The following SLC26A11 variants were observed in gnomAD, a reference collection of about 807,000 sequenced individuals.
The protein encoded by SLC26A11 is solute carrier family 26 member 11.
Under a neutral mutation model 62.2 loss-of-function variants are expected in SLC26A11, and 58 were observed. That is an observed-to-expected ratio of 0.93 (90% CI 0.76 to 1.16). The LOEUF is 1.16. Ranked by LOEUF, SLC26A11 falls within the 50% of genes most tolerant of loss-of-function variation. The pLI, the probability that SLC26A11 is intolerant of heterozygous loss-of-function variation, is 0.00. For missense variants in SLC26A11, 790 were observed against 794.3 expected (o/e 0.99, Z 0.06); for synonymous variants, 411 against 368.9 (o/e 1.11, Z -1.31).
intron 5 of SLC26A11, 128 bp from the exon 6 acceptor site, chr17:80,225,709 G>A (rs1381198349): frequency 1.2e-5 from 10 of 807,140 alleles, no homozygotes; most frequent in Admixed American, 2.2e-5. Context: ...GATGGGCCCC[G>A]GGAATAAGGG....
rs139484779 is a variant in SLC26A11 at position 80,225,766 on chromosome 17, G to A, written c.514-71G>A. ...ACTGTCTCAGCCCTAGGGGAGGTGG[G>A]CGGGGAGCTGGGGACAGATGGCCTT... On this transcript the variant is annotated intron_variant, in intron 5 of 17. Transcript: ENST00000361193. 1,140 of 1,344,956 alleles carry A rather than the reference G, an allele frequency of 8.5e-4. 9 individuals are homozygous for A. In the African/African-American group the frequency reaches 0.015, roughly 17 times the overall value. 83.3% of individuals were successfully genotyped at this position (1,344,956 alleles called of 1,614,324 possible). A position where few individuals can be genotyped will look rare whatever the true frequency, so the allele number is the denominator to read the frequency against.
chr17:80,222,447 G>T lies in SLC26A11; in HGVS notation c.235-208G>T. The T allele has an allele frequency of 1.7e-6, 1 of 582,432 alleles. No homozygotes were observed. Among genetic ancestry groups the T allele is most frequent in the Admixed American group, 3.0e-5 (1 of 33,228 alleles). 36.1% of individuals were successfully genotyped at this position (582,432 alleles called of 1,614,324 possible). On this transcript the variant is annotated intron_variant, in intron 3 of 17. Coordinates refer to ENST00000361193, the MANE Select transcript of SLC26A11 (RefSeq NM_001166347.2). The surrounding 1 kb of genome is among the most constrained non-coding windows in gnomAD (Gnocchi z 4.7). ...GGGCCTGCACCGACCCCTCTGCCTGGCTGTCTGCACCCTGAGGCCCCAGTT... is the reference window on the plus strand; with the variant it reads ...GGGCCTGCACCGACCCCTCTGCCTGTCTGTCTGCACCCTGAGGCCCCAGTT...
intron 7 of SLC26A11, among the ~76,000 whole-genome samples, chr17:80,235,411 C>A (rs373350074): frequency 6.6e-6 from 1 of 152,116 alleles, no homozygotes; most frequent in East Asian, 1.9e-4. Flanking sequence ...GGCTAGAGTA[C>A]AGTGGCATGA....
rs144339113 is a variant in SLC26A11, at chr17:80,222,179, A to G, written c.234+385A>G. The stretch of plus-strand genomic sequence containing the variant: ...ATCGCAAGGTCAGGAGATGGAGACC[A>G]TCCTGGCTAACAGGGTGAAACCCCG... On this transcript the variant is annotated intron_variant, in intron 3 of 17. Coordinates refer to ENST00000361193, the MANE Select transcript of SLC26A11 (RefSeq NM_001166347.2). This position sits in a 1 kb window ranked among gnomAD's most constrained non-coding sequence, Gnocchi z 4.7. The G allele has an allele frequency of 8.6e-5, 18 of 208,732 alleles. No individual in the cohort carries two copies. The highest frequency in any genetic ancestry group is 3.3e-4 in the South Asian group (3 of 9,074). 12.9% of individuals were successfully genotyped at this position (208,732 alleles called of 1,614,324 possible).
Position 80,222,469 on chromosome 17 carries a change from A to G in SLC26A11, c.235-186A>G, listed in dbSNP as rs2042248775. On this transcript the variant is annotated intron_variant, in intron 3 of 17. Coordinates refer to ENST00000361193, the MANE Select transcript of SLC26A11 (RefSeq NM_001166347.2). The surrounding 1 kb of genome is among the most constrained non-coding windows in gnomAD (Gnocchi z 4.7). ...CTGGCTGTCTGCACCCTGAGGCCCC[A>G]GTTGAGTGCTGCTAAAAAAGTGGCC... 5.0e-6 allele frequency: 3 copies of G among 597,426 alleles called. No homozygotes were observed. The South Asian group carries it at 6.3e-5, about 13-fold the overall frequency. 37.0% of individuals were successfully genotyped at this position (597,426 alleles called of 1,614,324 possible).
Position 80,246,179 on chromosome 17 carries a change from G to A in SLC26A11, c.1123G>A (p.Val375Met), listed in dbSNP as rs199912887. 2 of 1,612,924 alleles carry A rather than the reference G, an allele frequency of 1.2e-6. No individual in the cohort carries two copies. Among genetic ancestry groups the A allele is most frequent in the Admixed American group, 1.7e-5 (1 of 59,934 alleles). Reference sequence around the variant, plus strand: ...GACAGCCGTGAACGCTCAGTCGGGGGTGTGCACCCCGGCGGGGGGCCTGGT... The same window carrying A: ...GACAGCCGTGAACGCTCAGTCGGGGATGTGCACCCCGGCGGGGGGCCTGGT... ...GRTAVNAQSG[V>M]CTPAGGLVTG... is the part of the protein sequence containing the mutation. The change falls in exon 12 of 18, where the codon GTG becomes ATG. Residue 375 changes from valine to methionine, a missense_variant. By Grantham distance (21) the Val-to-Met change is conservative (BLOSUM62 1). Coordinates refer to ENST00000361193, the MANE Select transcript of SLC26A11 (RefSeq NM_001166347.2). The surrounding 1 kb of genome is among the most constrained non-coding windows in gnomAD (Gnocchi z 4.4).
chr17:80,234,411 T>A (rs995706657), intron 7 of SLC26A11, among the ~76,000 whole-genome samples: 1 of 152,236 alleles, frequency 6.6e-6, no homozygotes, highest in African/African-American at 2.4e-5. Context: ...CCACTGCTTT[T>A]AAAATATTCT....
At chr17:80,251,261 A>G (rs1202716129) in intron 16 of SLC26A11, 68 bp from the exon 17 acceptor site, 5 of 1,613,274 alleles carry the variant, frequency 3.1e-6, no homozygotes, top group Non-Finnish European at 4.2e-6. Context: ...TGGCAGGTCT[A>G]CCAGGCTGCC....
chr17:80,252,895 C>G lies in SLC26A11; in HGVS notation c.*179C>G. 1.8e-6 allele frequency: 1 copy of G among 566,422 alleles called. No homozygotes were observed. Among genetic ancestry groups the G allele is most frequent in the Non-Finnish European group, 3.1e-6 (1 of 319,858 alleles). The allele number at this position is 566,422 out of a possible 1,614,324, so 35.1% of individuals were successfully genotyped here. A position where few individuals can be genotyped will look rare whatever the true frequency, so the allele number is the denominator to read the frequency against. The stretch of plus-strand genomic sequence containing the variant: ...GGTCCACGGCAGTGGGAGTGGGGCT[C>G]ACTGGCTTCCTGTGGGATGACTGGA... On this transcript the variant is annotated 3_prime_UTR_variant, in exon 18 of 18. Coordinates refer to ENST00000361193, the MANE Select transcript of SLC26A11 (RefSeq NM_001166347.2). This position sits in a 1 kb window ranked among gnomAD's most constrained non-coding sequence, Gnocchi z 5.2.
chr17:80,229,320 C>T (rs1359290456), intron 7 of SLC26A11, among the ~76,000 whole-genome samples: 2 of 152,158 alleles, frequency 1.3e-5, no homozygotes, highest in Non-Finnish European at 2.9e-5. Context: ...GTCCAGCTTC[C>T]AGTCCCAGCC....
At position 80,246,776 on chromosome 17, in the gene SLC26A11, C is replaced by G. The variant is rs914248485; in HGVS notation, c.1294+127C>G. 2.3e-6 allele frequency: 3 copies of G among 1,279,060 alleles called. No homozygotes were observed. The African/African-American group carries it at 4.4e-5, about 19-fold the overall frequency. The allele number at this position is 1,279,060 out of a possible 1,614,324, so 79.2% of individuals were successfully genotyped here. A position where few individuals can be genotyped will look rare whatever the true frequency, so the allele number is the denominator to read the frequency against. The stretch of plus-strand genomic sequence containing the variant: ...TGGGACTGGGAAGTTAGGGCAGTCC[C>G]GGAACAGAGAAGTGGATGGCCAGGA... On this transcript the variant is annotated intron_variant, in intron 13 of 17. Transcript: ENST00000361193. This position sits in a 1 kb window ranked among gnomAD's most constrained non-coding sequence, Gnocchi z 4.4.
In SLC26A11 at chr17:80,243,146, G is replaced by A. The variant is rs116358362; in HGVS notation, c.1036+1325G>A. ...CTTCTTCCCAAGGGGTGTCCACCCT[G>A]ACAATTTCACGAGAGCCATTTGGCT... On this transcript the variant is annotated intron_variant, in intron 10 of 17. Coordinates refer to ENST00000361193, the MANE Select transcript of SLC26A11 (RefSeq NM_001166347.2). Among the ~76,000 whole-genome samples the A allele has an allele frequency of 6.9e-3, 1,048 of 152,306 alleles. 16 individuals are homozygous for A. The highest frequency in any genetic ancestry group is 0.024 in the African/African-American group (988 of 41,562).
intron 16 of SLC26A11, among the ~76,000 whole-genome samples, chr17:80,249,924 A>G (rs79547260): frequency 0.016 from 2,451 of 152,234 alleles, 75 homozygotes; most frequent in African/African-American, 0.056. Flanking sequence ...CAAACGAAAA[A>G]AAACAGGTGC....
rs141445620 is a variant in SLC26A11, at chr17:80,228,922, G to A, written c.736+962G>A. Among the ~76,000 whole-genome samples the A allele has an allele frequency of 2.6e-3, 390 of 152,164 alleles. 3 individuals are homozygous for A. The highest frequency in any genetic ancestry group is 8.8e-3 in the African/African-American group (365 of 41,500). Reference sequence around the variant, plus strand: ...TGGAGGAGCAGGGCTGTCAGCAGGTGAAGGACCACCCTGGGGGAGGTGGAA... The same window carrying A: ...TGGAGGAGCAGGGCTGTCAGCAGGTAAAGGACCACCCTGGGGGAGGTGGAA... On this transcript the variant is annotated intron_variant, in intron 7 of 17. Transcript: ENST00000361193. This position sits in a 1 kb window ranked among gnomAD's most constrained non-coding sequence, Gnocchi z 4.1.
At chr17:80,247,066 T>TTTA (rs1434259111) in intron 13 of SLC26A11, among the ~76,000 whole-genome samples, 1 of 151,056 alleles carries the variant, frequency 6.6e-6, no homozygotes, top group African/African-American at 2.4e-5. Context: ...TTTTTTTTTT[T>TTTA]TTATTATTAT....
chr17:80,225,795 T>G, intron 5 of SLC26A11, 42 bp from the exon 6 acceptor site: 1 of 1,577,520 alleles, frequency 6.3e-7, no homozygotes, highest in Non-Finnish European at 8.7e-7. Flanking sequence ...TGGCCTTGGT[T>G]TGGGAGCATA....
At position 80,245,205 on chromosome 17, in the gene SLC26A11, A is replaced by G; in HGVS notation, c.1046A>G (p.Asn349Ser). The G allele has an allele frequency of 3.1e-6, 5 of 1,613,780 alleles. No homozygotes were observed. Among genetic ancestry groups the G allele is most frequent in the Non-Finnish European group, 4.2e-6 (5 of 1,179,960 alleles). ...NQELLAIGLT[N>S]MLGSLVSSYP... Reference sequence around the variant, plus strand: ...CTTGCCTCCTCCCCAGGTCTCACCAACATGTTGGGCTCCCTCGTCTCCTCC... The same window carrying G: ...CTTGCCTCCTCCCCAGGTCTCACCAGCATGTTGGGCTCCCTCGTCTCCTCC... The change falls in exon 11 of 18, where the codon AAC becomes AGC. Residue 349 changes from asparagine (N) to serine (S), a missense_variant. Transcript: ENST00000361193.
At position 80,251,356 on chromosome 17, in the gene SLC26A11, G is replaced by A. The variant is rs561034564; in HGVS notation, c.1684G>A (p.Ala562Thr). ...CCCCGTTCTCCGTGTCCTGCTGTCC[G>A]CTGACCTGAAGGGGTTCCAGTACTT... ...QVPVLRVLLS[A>T]DLKGFQYFST... The change falls in exon 17 of 18, where the codon GCT (alanine) becomes ACT (threonine). Residue 562 changes from alanine to threonine, a missense_variant. Coordinates refer to ENST00000361193, the MANE Select transcript of SLC26A11 (RefSeq NM_001166347.2). 9.8e-5 allele frequency: 158 copies of A among 1,613,944 alleles called. 1 individual carries two copies. In the East Asian group the frequency reaches 1.2e-3, roughly 13 times the overall value.
At chr17:80,248,281 G>T (rs1428951528) in intron 14 of SLC26A11, 24 bp downstream of exon 14, 7 of 1,599,948 alleles carry the variant, frequency 4.4e-6, no homozygotes, top group Non-Finnish European at 6.0e-6. Flanking sequence ...GCCTCTGAGT[G>T]GGGAGTGTGC....
Sources: allele counts gnomAD v4.1 joint callset (sites outside exome capture counted in the v4.1 genomes callset), GRCh38; gene constraint gnomAD v4.1.1; non-coding constraint Gnocchi (gnomAD v3.1); transcripts MANE v1.5; gene names NCBI Gene and HGNC (gene_info 2026-07-23, HGNC 2026-07-21).